Variants in TG observed in about 807,000 individuals in gnomAD.
The protein encoded by TG is thyroid hormones.
TG carries 270 observed loss-of-function variants against 324.7 expected under a neutral mutation model. The observed-to-expected ratio is 0.83, with a 90% CI of 0.75 to 0.92. The LOEUF (loss-of-function observed/expected upper bound fraction) is 0.92, where lower values mean the gene tolerates loss of function less well. Among genes scored for constraint, TG ranks in the 40% least tolerant of loss-of-function variants. The probability of loss-of-function intolerance (pLI) is 0.00; values close to 1 mark genes in which losing one functional copy is unlikely to be tolerated. For synonymous variants in TG, 1,401 were observed against 1,327.0 expected, an observed-to-expected ratio of 1.06 and a Z score of -1.21; for missense variants, 3,591 against 3,456.4, an observed-to-expected ratio of 1.04 and a Z score of -0.98.
intron 41 of TG, among the ~76,000 whole-genome samples, chr8:133,090,617 T>C (rs189582600): frequency 1.3e-5 from 2 of 152,304 alleles, no homozygotes; most frequent in Non-Finnish European, 2.9e-5. Context: ...TCATGGATAA[T>C]AACATTCCTA....
At chr8:133,098,226 C>T (rs946059234) in intron 43 of TG, among the ~76,000 whole-genome samples, 1 of 152,318 alleles carries the variant, frequency 6.6e-6, no homozygotes, top group East Asian at 1.9e-4. Context: ...CAAGTTGCTT[C>T]TGATCAAGCC....
rs916090863 is a variant in TG, at chr8:133,002,294, T to G, written c.6263-9607T>G. On this transcript the variant is annotated intron_variant, in intron 35 of 47. Coordinates refer to ENST00000220616, the MANE Select transcript of TG (RefSeq NM_003235.5). ...AGCTCTATAGTGATGTGTAATTTTT[T>G]GGGCAATTTTTAATGTAAATTATTT... 1.2e-5 allele frequency: 12 copies of G among 985,464 alleles called. No individual in the cohort carries two copies. The South Asian group carries it at 4.7e-4, about 39-fold the overall frequency. The allele number at this position is 985,464 out of a possible 1,614,324, so 61.0% of individuals were successfully genotyped here. A position where few individuals can be genotyped will look rare whatever the true frequency, so the allele number is the denominator to read the frequency against.
Position 132,986,805 on chromosome 8 carries a change from G to A in TG, c.6262+3393G>A, listed in dbSNP as rs144513174. 8.7e-3 allele frequency among the ~76,000 whole-genome samples: 1,325 copies of A among 152,236 alleles called. 29 individuals are homozygous for A. Among genetic ancestry groups the A allele is most frequent in the African/African-American group, 0.03 (1,263 of 41,544 alleles). ...ACCCTAGATTTATATTGCCAAATTA[G>A]TCTCAAACAGTTGTTGCTAGTTGCA... On this transcript the variant is annotated intron_variant, in intron 35 of 47. Transcript: ENST00000220616.
At chr8:133,076,398 A>T (rs1460986841) in intron 41 of TG, among the ~76,000 whole-genome samples, 12 of 152,236 alleles carry the variant, frequency 7.9e-5, no homozygotes, top group Non-Finnish European at 1.5e-5. Flanking sequence ...TTCTAAATTT[A>T]GCAGGCAGGC....
chr8:133,035,870 T>C (rs1382546448), intron 41 of TG, among the ~76,000 whole-genome samples: 2 of 152,192 alleles, frequency 1.3e-5, no homozygotes, highest in African/African-American at 4.8e-5. Flanking sequence ...TTTAAACATA[T>C]CAGTGAAATG....
Position 133,013,629 on chromosome 8 carries a change from AC to A in TG, c.6429del (p.Thr2144LeufsTer9). On this transcript the variant is annotated frameshift_variant, in exon 37 of 48. Transcript: ENST00000220616. LOFTEE classifies it high-confidence loss of function. The stretch of plus-strand genomic sequence containing the variant: ...TTCCCAACATGAGGCCTGTCTCATC[AC>A]CACTCTGCAAACCCAACCTGGGGCT... The part of the protein sequence containing the change: ...ECSQHEACLI[T>X]TLQTQPGAVR... The A allele has an allele frequency of 6.2e-7, 1 of 1,614,202 alleles. No individual in the cohort carries two copies. Among genetic ancestry groups the A allele is most frequent in the Non-Finnish European group, 8.5e-7 (1 of 1,180,042 alleles).
At chr8:132,898,339 T>C in intron 13 of TG, 93 bp downstream of exon 13, 6 of 1,240,264 alleles carry the variant, frequency 4.8e-6, no homozygotes, top group South Asian at 1.3e-5. Context: ...GGAGACTCCA[T>C]GGCCCAGCCC....
At chr8:133,096,104 A>T in intron 42 of TG, 102 bp from the exon 43 acceptor site, 1 of 1,431,420 alleles carries the variant, frequency 7.0e-7, no homozygotes, top group Non-Finnish European at 9.8e-7. Context: ...AGAGTCATAG[A>T]TGGATAACCA....
At chr8:132,900,411 T>C (rs1033399398) in intron 15 of TG, 72 bp downstream of exon 15, 30 of 1,400,586 alleles carry the variant, frequency 2.1e-5, no homozygotes, top group Non-Finnish European at 2.9e-5. Context: ...TCCAAAGAGC[T>C]GGCTTCGTGT....
At chr8:132,882,653 G>C (rs1325963207) in intron 7 of TG, 41 bp downstream of exon 7, 9 of 1,614,022 alleles carry the variant, frequency 5.6e-6, no homozygotes, top group Non-Finnish European at 7.6e-6. Flanking sequence ...TTTCCATTAG[G>C]GGGACGCCTC....
chr8:132,903,321 C>A (rs369062397), intron 16 of TG, among the ~76,000 whole-genome samples: 2 of 152,170 alleles, frequency 1.3e-5, no homozygotes, highest in South Asian at 4.1e-4. Context: ...GCTCTTCTGA[C>A]GCCACCGGCC....
chr8:133,131,716 T>C, intron 45 of TG, 96 bp from the exon 46 acceptor site: 1 of 1,546,314 alleles, frequency 6.5e-7, no homozygotes, highest in South Asian at 1.2e-5. Flanking sequence ...GGGAAAGTCT[T>C]GGTTTTGGAA....
intron 20 of TG, among the ~76,000 whole-genome samples, chr8:132,913,660 G>A (rs1819860291): frequency 6.6e-6 from 1 of 152,130 alleles, no homozygotes; most frequent in Admixed American, 6.5e-5. Flanking sequence ...CAGGGAAAAT[G>A]GTTCCTGATT....
At chr8:132,874,498 A>C (rs1839781003) in intron 5 of TG, among the ~76,000 whole-genome samples, 1 of 152,170 alleles carries the variant, frequency 6.6e-6, no homozygotes, top group Non-Finnish European at 1.5e-5. Context: ...GTCTGCAAAG[A>C]CTGATATGAA....
rs577697129 is a variant in TG at position 133,104,100 on chromosome 8, G to A, written c.7572+7727G>A. Among the ~76,000 whole-genome samples, 375 of 152,298 alleles carry A rather than the reference G, an allele frequency of 2.5e-3. 5 individuals are homozygous for A. Among genetic ancestry groups the A allele is most frequent in the Non-Finnish European group, 2.1e-3 (142 of 68,036 alleles). On this transcript the variant is annotated intron_variant, in intron 43 of 47. Transcript: ENST00000220616. ...CGATGGGGATTGAGGTACAGAGTGG[G>A]TGCAAAGGCCCTGGGGCAGGAGTGG...
chr8:132,919,292 A>G (rs180711314), intron 20 of TG, 84 bp from the exon 21 acceptor site: 1 of 1,450,928 alleles, frequency 6.9e-7, no homozygotes, highest in Non-Finnish European at 9.5e-7. Flanking sequence ...TGGTTTGAGG[A>G]TTTTCTTTAC....
chr8:132,905,151 G>C (rs1168956743), intron 16 of TG, among the ~76,000 whole-genome samples: 1 of 152,168 alleles, frequency 6.6e-6, no homozygotes, highest in Non-Finnish European at 1.5e-5. Context: ...CCTACTAGGA[G>C]GTAGGCATTA....
At position 133,116,590 on chromosome 8, in the gene TG, C is replaced by G; in HGVS notation, c.7755-19C>G. 1.9e-6 allele frequency: 3 copies of G among 1,604,992 alleles called. No homozygotes were observed. The highest frequency in any genetic ancestry group is 2.2e-5 in the East Asian group (1 of 44,832). On this transcript the variant is annotated intron_variant, in intron 44 of 47. Transcript: ENST00000220616. ...GAGCCATGTTTAACCAGACTCCCCC[C>G]ATGTTCTCTTTTCACCAGGGACTAC... is the stretch of plus-strand genomic sequence containing the variant.
chr8:133,039,436 T>C (rs1837740007), intron 41 of TG, among the ~76,000 whole-genome samples: 1 of 152,224 alleles, frequency 6.6e-6, no homozygotes, highest in South Asian at 2.1e-4. Context: ...CCTGATTTTC[T>C]TTGATTTGCC....
Sources: allele counts gnomAD v4.1 joint callset (sites outside exome capture counted in the v4.1 genomes callset), GRCh38; gene constraint gnomAD v4.1.1; transcripts MANE v1.5; gene names NCBI Gene and HGNC (gene_info 2026-07-23, HGNC 2026-07-21).